MASP2: variants seen among roughly 807,000 people sequenced by gnomAD.
MASP2 encodes the protein MBL associated serine protease 2.
Under a neutral mutation model 57.1 loss-of-function variants are expected in MASP2, and 49 were observed. The ratio of observed to expected loss-of-function variants is 0.86; its 90% confidence interval spans 0.68 to 1.09. The LOEUF (loss-of-function observed/expected upper bound fraction) is 1.09, where lower values mean the gene tolerates loss of function less well. Ranked by LOEUF, MASP2 falls within the 50% of genes least tolerant of loss-of-function variation. MASP2 has a pLI of 0.00. For synonymous variants in MASP2, 379 were observed against 340.8 expected, an observed-to-expected ratio of 1.11 and a Z score of -1.24; for missense variants, 900 against 874.8, an observed-to-expected ratio of 1.03 and a Z score of -0.36.
chr1:11,041,034 G>A (rs1638410559), intron 6 of MASP2, among the ~76,000 whole-genome samples: 1 of 149,804 alleles, frequency 6.7e-6, no homozygotes, highest in Admixed American at 6.6e-5. Flanking sequence ...TGAATATGTG[G>A]ATGGGTAGAT....
At chr1:11,042,396 TTGGATGGATGGATGGATGGA>T (rs141900678) in intron 6 of MASP2, among the ~76,000 whole-genome samples, 85,023 of 141,700 alleles carry the variant, frequency 0.6, 29,761 homozygotes, top group Non-Finnish European at 0.77. Context: ...GATAGATGGA[TTGGATGGATGGATGGATGGA>T]TGGATGGATG....
chr1:11,046,578 G>C lies in MASP2; in HGVS notation c.390C>G (p.Phe130Leu), dbSNP rs1357867222. The C allele has an allele frequency of 6.2e-7, 1 of 1,613,914 alleles. No individual in the cohort carries two copies. Among genetic ancestry groups the C allele is most frequent in the Non-Finnish European group, 8.5e-7 (1 of 1,180,026 alleles). ...DYSNEKPFTG[F>L]EAFYAAEDID... ...CACCCTCGGCTGCATAGAAGGCCTCGAACCCCGTGAACGGCTTCTCGTTGG... is the reference window on the plus strand; with the variant it reads ...CACCCTCGGCTGCATAGAAGGCCTCCAACCCCGTGAACGGCTTCTCGTTGG... Residue 130 changes from phenylalanine to leucine, a missense_variant, in exon 3 of 11, where the codon TTC becomes TTG. Phe to Leu is a conservative substitution (Grantham distance 22). Transcript: ENST00000400897.
At chr1:11,039,632 T>TGG (rs1265375246) in intron 6 of MASP2, among the ~76,000 whole-genome samples, 5 of 124,214 alleles carry the variant, frequency 4.0e-5, no homozygotes, top group East Asian at 2.4e-4. Flanking sequence ...TATGGGTGGA[T>TGG]ATATAGGTGG....
chr1:11,034,714 A>T, intron 8 of MASP2, 114 bp downstream of exon 8: 2 of 700,398 alleles, frequency 2.9e-6, no homozygotes, highest in Non-Finnish European at 4.6e-6. Flanking sequence ...AAAAAAAAAA[A>T]GGGAAAGAAA....
intron 7 of MASP2, among the ~76,000 whole-genome samples, chr1:11,037,178 G>A (rs1417767697): frequency 2.0e-5 from 3 of 152,096 alleles, no homozygotes; most frequent in South Asian, 2.1e-4. Flanking sequence ...TCAGCCACCC[G>A]AGTAGCTGGG....
At position 11,037,731 on chromosome 1, in the gene MASP2, A is replaced by C. The variant is rs747473836; in HGVS notation, c.970T>G (p.Phe324Val). 1 of 1,612,552 alleles carries C rather than the reference A, an allele frequency of 6.2e-7. No individual in the cohort carries two copies. The highest frequency in any genetic ancestry group is 1.7e-5 in the Admixed American group (1 of 59,532). ...TAGCCAGTCTCGCAAAAGATGGAGA[A>C]GCTGTCTTTCAGGATGTATTTGGCT... is the stretch of plus-strand genomic sequence containing the variant. ...VQAKYILKDSFSIFCETGYEL... is the reference protein window; with the variant it reads ...VQAKYILKDSVSIFCETGYEL... Residue 324 changes from phenylalanine to valine, a missense_variant, in exon 7 of 11, where the codon TTC becomes GTC. By Grantham distance (50) the Phe-to-Val change is conservative. Transcript: ENST00000400897.
chr1:11,033,963 A>ACT (rs1487558627), intron 8 of MASP2, among the ~76,000 whole-genome samples: 5 of 8,432 alleles, frequency 5.9e-4, no homozygotes, highest in South Asian at 4.1e-3. Context: ...ACACACACAC[A>ACT]CACTCTCTCT....
chr1:11,046,173 C>T lies in MASP2; in HGVS notation c.412+383G>A, dbSNP rs1161589230. On this transcript the variant is annotated intron_variant, in intron 3 of 10. Coordinates refer to ENST00000400897, the MANE Select transcript of MASP2 (RefSeq NM_006610.4). ...GATTCCAGGTGCGCACCACCACGCC[C>T]AGCTAATTTTTGTAGTTTTAGTGGA... The T allele has an allele frequency of 3.1e-5, 10 of 323,240 alleles. No individual in the cohort carries two copies. The East Asian group carries it at 3.3e-4, about 11-fold the overall frequency. 20.0% of individuals were successfully genotyped at this position (323,240 alleles called of 1,614,324 possible).
intron 10 of MASP2, among the ~76,000 whole-genome samples, chr1:11,028,105 C>G (rs1009518877): frequency 5.3e-5 from 8 of 151,952 alleles, no homozygotes. Flanking sequence ...ACCTGTAATC[C>G]CAGCCACTTG....
At chr1:11,044,972 A>G in intron 4 of MASP2, 1 of 1,610,044 alleles carries the variant, frequency 6.2e-7, no homozygotes, top group East Asian at 2.2e-5. Context: ...GAGATCAGAG[A>G]GGCAAGGAGA....
chr1:11,046,113 A>C (rs1638630270), intron 3 of MASP2: 1 of 276,760 alleles, frequency 3.6e-6, no homozygotes, highest in Non-Finnish European at 7.1e-6. Context: ...CGCAGGTTCA[A>C]GCAATTCTCC....
In MASP2 at chr1:11,027,457, T is replaced by C; in HGVS notation, c.1489A>G (p.Ile497Val). The change falls in exon 11 of 11, where the codon ATT becomes GTT. Residue 497 changes from isoleucine to valine, a missense_variant. Coordinates refer to ENST00000400897, the MANE Select transcript of MASP2 (RefSeq NM_006610.4). The part of the protein sequence containing the change: ...EQKHDASALD[I>V]RMGTLKRLSP... ...AGTCTTTTCAGGGTGCCCATTCGAA[T>C]GTCCAGGGCGGATGCATCATGTTTT... 1.9e-6 allele frequency: 3 copies of C among 1,614,162 alleles called. No individual in the cohort carries two copies. The highest frequency in any genetic ancestry group is 2.2e-5 in the East Asian group (1 of 44,880).
intron 6 of MASP2, among the ~76,000 whole-genome samples, chr1:11,041,807 T>C (rs917271706): frequency 1.1e-4 from 2 of 18,434 alleles, no homozygotes; most frequent in African/African-American, 4.2e-4. Context: ...GAAGTATGTG[T>C]AGGTAGAAGG....
In MASP2 at chr1:11,038,275, C is replaced by T. The variant is rs116395376; in HGVS notation, c.890-464G>A. ...GTTTCTTCATCTGCAAGATGGGGGG[C>T]GGTTGACGATAATAGTTGCCCCAGG... On this transcript the variant is annotated intron_variant, in intron 6 of 10. Coordinates refer to ENST00000400897, the MANE Select transcript of MASP2 (RefSeq NM_006610.4). Among the ~76,000 whole-genome samples the T allele has an allele frequency of 8.5e-3, 1,295 of 152,188 alleles. 25 individuals are homozygous for T. Among genetic ancestry groups the T allele is most frequent in the African/African-American group, 0.03 (1,237 of 41,494 alleles).
chr1:11,028,697 GT>G (rs1208974169), intron 10 of MASP2, among the ~76,000 whole-genome samples: 4 of 36,178 alleles, frequency 1.1e-4, no homozygotes, highest in East Asian at 9.7e-4. Context: ...ATCTTTCTGG[GT>G]TTTTTTTCTT....
Position 11,045,471 on chromosome 1 carries a change from C to G in MASP2, c.481G>C (p.Gly161Arg), listed in dbSNP as rs768447681. Residue 161 changes from glycine to arginine, a missense_variant, in exon 4 of 11, where the codon GGC (glycine) becomes CGC (arginine). Physicochemically the swap from Gly to Arg is moderately radical, Grantham distance 125. Coordinates refer to ENST00000400897, the MANE Select transcript of MASP2 (RefSeq NM_006610.4). The part of the protein sequence containing the change: ...TCDHHCHNHL[G>R]GFYCSCRAGY... ...GCGCGGCAGGAGCAGTAGAAACCGC[C>G]CAGGTGGTTGTGGCAGTGGTGGTCG... 2 of 1,613,114 alleles carry G rather than the reference C, an allele frequency of 1.2e-6. No individual in the cohort carries two copies. Among genetic ancestry groups the G allele is most frequent in the Non-Finnish European group, 1.7e-6 (2 of 1,179,988 alleles).
In MASP2 at chr1:11,045,442, G is replaced by C; in HGVS notation, c.510C>G (p.Gly170=). The change falls in exon 4 of 11, where the codon GGC becomes GGG. Residue 170 remains glycine (G), a synonymous_variant. Coordinates refer to ENST00000400897, the MANE Select transcript of MASP2 (RefSeq NM_006610.4). ...TGCGCTTGTTACGGTGCAGGACGTA[G>C]CCTGCGCGGCAGGAGCAGTAGAAAC... ...LGGFYCSCRA[G]YVLHRNKRTC... 1.2e-6 allele frequency: 2 copies of C among 1,613,274 alleles called. No homozygotes were observed. Among genetic ancestry groups the C allele is most frequent in the South Asian group, 2.2e-5 (2 of 91,084 alleles).
chr1:11,027,567 A>G lies in MASP2; in HGVS notation c.1379T>C (p.Val460Ala). Residue 460 changes from valine to alanine, a missense_variant, in exon 11 of 11, where the codon GTC becomes GCC. By Grantham distance (64) the Val-to-Ala change is moderately conservative. Transcript: ENST00000400897. Reference protein sequence around the residue: ...KAKPGDFPWQVLILGGTTAAG... With the variant: ...KAKPGDFPWQALILGGTTAAG... ...TGCTGTGGTTCCACCTAATATCAGG[A>G]CTTGCCAAGGAAAATCACCAGGTTT... 1 of 1,614,194 alleles carries G rather than the reference A, an allele frequency of 6.2e-7. No homozygotes were observed. Among genetic ancestry groups the G allele is most frequent in the African/African-American group, 1.3e-5 (1 of 75,046 alleles).
intron 6 of MASP2, among the ~76,000 whole-genome samples, chr1:11,038,332 G>A (rs1638314314): frequency 6.6e-6 from 1 of 152,182 alleles, no homozygotes; most frequent in South Asian, 2.1e-4. Context: ...AAAGCACCTA[G>A]GCTAGTTCTT....
Sources: gnomAD v4.1 joint callset for allele counts (sites outside exome capture counted in the v4.1 genomes callset) on GRCh38, gnomAD v4.1.1 for gene constraint, MANE v1.5 for transcripts, NCBI Gene and HGNC (gene_info 2026-07-23, HGNC 2026-07-21) for gene names.